Variants in RNF216 observed in about 807,000 individuals in gnomAD.
RNF216 encodes ring finger protein 216.
A neutral mutation model predicts 110.8 loss-of-function variants in RNF216; 72 were observed. The ratio of observed to expected loss-of-function variants is 0.65; its 90% CI spans 0.54 to 0.79. The LOEUF (loss-of-function observed/expected upper bound fraction) is 0.79, where lower values mean the gene tolerates loss of function less well. Ranked by LOEUF, RNF216 falls within the 30% of genes least tolerant of loss-of-function variation. The pLI is 0.00. For missense variants in RNF216, 1,342 were observed against 1,141.2 expected, an observed-to-expected ratio of 1.18 and a Z score of -2.54; for synonymous variants, 495 against 407.5, an observed-to-expected ratio of 1.21 and a Z score of -2.59.
At chr7:5,740,847 G>C (rs1794711589) in intron 4 of RNF216, 126 bp downstream of exon 4, 3 of 838,918 alleles carry the variant, frequency 3.6e-6, no homozygotes, top group Non-Finnish European at 5.3e-6. Flanking sequence ...TGTACATCTA[G>C]ATATATACTT....
intron 15 of RNF216, among the ~76,000 whole-genome samples, chr7:5,640,841 G>A (rs776935208): frequency 4.6e-5 from 7 of 152,170 alleles, no homozygotes; most frequent in South Asian, 2.1e-4. Context: ...TGGAATCAGC[G>A]TTATGCTGGC....
intron 7 of RNF216, among the ~76,000 whole-genome samples, chr7:5,726,081 TG>T (rs1224151066): frequency 6.6e-6 from 1 of 151,918 alleles, no homozygotes; most frequent in Non-Finnish European, 1.5e-5. Flanking sequence ...GTTCAAGGCT[TG>T]CCCGGGCAAC....
chr7:5,683,048 G>T (rs898577575), intron 13 of RNF216, among the ~76,000 whole-genome samples: 4 of 152,118 alleles, frequency 2.6e-5, no homozygotes, highest in Non-Finnish European at 5.9e-5. Flanking sequence ...AAAGTGCTAT[G>T]TCATGCTAAG....
chr7:5,773,878 CTTA>C (rs1562483225), intron 1 of RNF216, among the ~76,000 whole-genome samples: 2 of 152,140 alleles, frequency 1.3e-5, no homozygotes, highest in African/African-American at 2.4e-5. Flanking sequence ...AGCCAAATTT[CTTA>C]TTTTTTCTTT....
At chr7:5,737,705 G>A (rs1418465420) in intron 5 of RNF216, among the ~76,000 whole-genome samples, 1 of 152,094 alleles carries the variant, frequency 6.6e-6, no homozygotes, top group East Asian at 1.9e-4. Flanking sequence ...CTCAGCCTTG[G>A]CAGGGAAGAA....
chr7:5,729,333 T>C (rs1793946625), intron 7 of RNF216, 99 bp downstream of exon 7: 3 of 1,209,644 alleles, frequency 2.5e-6, no homozygotes, highest in South Asian at 1.4e-5. Flanking sequence ...TTAGCAATCA[T>C]AAACCATCCC....
intron 5 of RNF216, among the ~76,000 whole-genome samples, chr7:5,732,273 G>C (rs991371224): frequency 5.9e-5 from 9 of 152,158 alleles, no homozygotes; most frequent in Admixed American, 2.0e-4. Context: ...CAAAAATCGC[G>C]TCTGTAGGGA....
intron 13 of RNF216, among the ~76,000 whole-genome samples, chr7:5,683,127 A>AAAAC (rs757444515): frequency 1.4e-4 from 21 of 152,276 alleles, no homozygotes; most frequent in African/African-American, 4.1e-4. Context: ...TTATATGGTA[A>AAAAC]AAACAAACAA....
At chr7:5,712,030 C>T in intron 12 of RNF216, 191 bp from the exon 13 acceptor site, 2 of 584,104 alleles carry the variant, frequency 3.4e-6, no homozygotes, top group South Asian at 4.3e-5. Context: ...GAAACATAAG[C>T]ACCACATGAG....
At chr7:5,729,132 A>C (rs534628429) in intron 7 of RNF216, among the ~76,000 whole-genome samples, 2 of 152,330 alleles carry the variant, frequency 1.3e-5, no homozygotes, top group African/African-American at 4.8e-5. Context: ...CAAGTTGGAA[A>C]GCAAATCAGG....
chr7:5,648,281 T>C lies in RNF216; in HGVS notation c.2159+4132A>G, dbSNP rs1216551620. 3.3e-5 allele frequency among the ~76,000 whole-genome samples: 5 copies of C among 152,034 alleles called. No individual in the cohort carries two copies. The East Asian group carries it at 9.7e-4, about 30-fold the overall frequency. The stretch of plus-strand genomic sequence containing the variant: ...ACCACCATGCCTGGGTAATTTTGTA[T>C]TTTTAGTAGAGACAGAGGTTTCTCC... On this transcript the variant is annotated intron_variant, in intron 14 of 16. Transcript: ENST00000389902.
intron 9 of RNF216, among the ~76,000 whole-genome samples, chr7:5,719,217 CA>C (rs1793258329): frequency 6.6e-6 from 1 of 151,880 alleles, no homozygotes; most frequent in Admixed American, 6.6e-5. Flanking sequence ...CCAGGCTCTA[CA>C]AAAAAAGTTA....
At chr7:5,751,490 T>C (rs6965723) in intron 3 of RNF216, among the ~76,000 whole-genome samples, 2,683 of 152,140 alleles carry the variant, frequency 0.018, 71 homozygotes, top group African/African-American at 0.061. Flanking sequence ...TTCCTAGAAA[T>C]TGAAAGAAAG....
intron 1 of RNF216, among the ~76,000 whole-genome samples, chr7:5,763,044 G>C (rs142502725): frequency 2.5e-3 from 381 of 152,222 alleles, no homozygotes; most frequent in African/African-American, 8.5e-3. Context: ...CAAAGCAGCA[G>C]AACTACTGAA....
At position 5,676,893 on chromosome 7, in the gene RNF216, G is replaced by A. The variant is rs138260437; in HGVS notation, c.2062-24383C>T. Among the ~76,000 whole-genome samples, 636 of 152,248 alleles carry A rather than the reference G, an allele frequency of 4.2e-3. 2 individuals are homozygous for A. The highest frequency in any genetic ancestry group is 0.022 in the East Asian group (115 of 5,182). On this transcript the variant is annotated intron_variant, in intron 13 of 16. Coordinates refer to ENST00000389902, the MANE Select transcript of RNF216 (RefSeq NM_207111.4). ...ATGACCAGGTGTGCATCCAGCTGGGGCACTTCAAAATGGGACCAGTGAACA... is the reference window on the plus strand; with the variant it reads ...ATGACCAGGTGTGCATCCAGCTGGGACACTTCAAAATGGGACCAGTGAACA...
chr7:5,707,514 A>T (rs565958052), intron 13 of RNF216, among the ~76,000 whole-genome samples: 18 of 152,238 alleles, frequency 1.2e-4, no homozygotes, highest in Non-Finnish European at 2.5e-4. Context: ...TAATTCTAAC[A>T]AGTTTTTTTG....
chr7:5,775,049 T>A (rs1796701211), intron 1 of RNF216: 1 of 152,170 alleles, frequency 6.6e-6, no homozygotes, highest in Admixed American at 6.6e-5. Context: ...CCTGGCCTCT[T>A]TTCTTACTTA....
intron 5 of RNF216, among the ~76,000 whole-genome samples, chr7:5,734,636 C>T (rs1230140694): frequency 2.7e-5 from 4 of 145,926 alleles, no homozygotes; most frequent in South Asian, 2.1e-4. Context: ...TAGAGTCTGT[C>T]GTTGAAAAAT....
chr7:5,757,475 A>G (rs1306805500), intron 2 of RNF216, among the ~76,000 whole-genome samples: 2 of 152,020 alleles, frequency 1.3e-5, no homozygotes, highest in African/African-American at 4.8e-5. Context: ...ATTTTTTTAA[A>G]TCTTTATTTT....
Sources: gnomAD v4.1 joint callset for allele counts (sites outside exome capture counted in the v4.1 genomes callset) on GRCh38, gnomAD v4.1.1 for gene constraint, MANE v1.5 for transcripts, NCBI Gene and HGNC (gene_info 2026-07-23, HGNC 2026-07-21) for gene names.